SYT10: variants seen among roughly 807,000 people sequenced by gnomAD.
SYT10 encodes synaptotagmin-10.
Under a neutral mutation model 51.1 loss-of-function variants are expected in SYT10, and 31 were observed. The ratio of observed to expected loss-of-function variants is 0.61; its 90% CI spans 0.46 to 0.82. SYT10 has a LOEUF of 0.82. Ranked by LOEUF, SYT10 falls within the 40% of genes least tolerant of loss-of-function variation. The pLI is 0.00. For synonymous variants in SYT10, 233 were observed against 225.9 expected, an observed-to-expected ratio of 1.03 and a Z score of -0.28; for missense variants, 603 against 634.0, an observed-to-expected ratio of 0.95 and a Z score of 0.53.
chr12:33,412,799 A>G (rs1041575278), intron 2 of SYT10, among the ~76,000 whole-genome samples: 8 of 152,336 alleles, frequency 5.3e-5, no homozygotes, highest in Non-Finnish European at 1.0e-4. Flanking sequence ...AAAGGAATGC[A>G]GCTCCTCGCC....
rs75373477 is a variant in SYT10, at chr12:33,389,549, C to A, written c.1078-4258G>T. 3.1e-3 allele frequency among the ~76,000 whole-genome samples: 470 copies of A among 151,746 alleles called. 4 individuals carry two copies. The highest frequency in any genetic ancestry group is 0.011 in the African/African-American group (454 of 41,394). ...TGAAAAAAGACATAAGAGAAAGAGGCCATTGAAGTAAAGTTGGTGTGGGAA... is the reference window on the plus strand; with the variant it reads ...TGAAAAAAGACATAAGAGAAAGAGGACATTGAAGTAAAGTTGGTGTGGGAA... On this transcript the variant is annotated intron_variant, in intron 3 of 6. Coordinates refer to ENST00000228567, the MANE Select transcript of SYT10 (RefSeq NM_198992.4).
intron 3 of SYT10, among the ~76,000 whole-genome samples, chr12:33,386,060 G>A (rs1430416410): frequency 1.3e-5 from 2 of 152,116 alleles, no homozygotes; most frequent in African/African-American, 4.8e-5. Flanking sequence ...GTCTCGCTCT[G>A]TTGCCCAGGC....
chr12:33,376,537 A>C lies in SYT10; in HGVS notation c.*293T>G, dbSNP rs552906574. The C allele has an allele frequency of 2.6e-6, 1 of 386,876 alleles. No individual in the cohort carries two copies. Among genetic ancestry groups the C allele is most frequent in the Admixed American group, 3.8e-5 (1 of 26,116 alleles). 24.0% of individuals were successfully genotyped at this position (386,876 alleles called of 1,614,324 possible). A position where few individuals can be genotyped will look rare whatever the true frequency, so the allele number is the denominator to read the frequency against. ...TTTAGGTAAGTATGAACTGTTTAAA[A>C]AAACATTTCATATGCAAAGAATTAC... On this transcript the variant is annotated 3_prime_UTR_variant, in exon 7 of 7. Coordinates refer to ENST00000228567, the MANE Select transcript of SYT10 (RefSeq NM_198992.4).
rs75920331 is a variant in SYT10, at chr12:33,428,422, A to C, written c.152-1927T>G. Among the ~76,000 whole-genome samples the C allele has an allele frequency of 6.5e-3, 996 of 152,324 alleles. 9 individuals carry two copies. The highest frequency in any genetic ancestry group is 0.022 in the African/African-American group (917 of 41,576). Reference sequence around the variant, plus strand: ...GAGAAAAGGAGAAAGAAAGATATGCAAAAAAATCAGGTCAATGGGTATTCA... The same window carrying C: ...GAGAAAAGGAGAAAGAAAGATATGCCAAAAAATCAGGTCAATGGGTATTCA... On this transcript the variant is annotated intron_variant, in intron 1 of 6. Transcript: ENST00000228567.
At chr12:33,378,528 G>T (rs1289700207) in intron 6 of SYT10, among the ~76,000 whole-genome samples, 2 of 152,144 alleles carry the variant, frequency 1.3e-5, no homozygotes, top group African/African-American at 4.8e-5. Flanking sequence ...CTCAGAAGTA[G>T]ACAGCCAGAG....
chr12:33,392,937 G>A (rs1487122184), intron 3 of SYT10, among the ~76,000 whole-genome samples: 4 of 120,264 alleles, frequency 3.3e-5, no homozygotes, highest in African/African-American at 1.4e-4. Flanking sequence ...CCTTCCAAAT[G>A]GGAAATAACT....
At chr12:33,413,877 A>G (rs1591992488) in intron 2 of SYT10, among the ~76,000 whole-genome samples, 1 of 152,198 alleles carries the variant, frequency 6.6e-6, no homozygotes, top group African/African-American at 2.4e-5. Context: ...CAATTAAAAG[A>G]CACAGACTGG....
At chr12:33,409,491 A>G (rs2138417971) in intron 2 of SYT10, among the ~76,000 whole-genome samples, 1 of 150,366 alleles carries the variant, frequency 6.7e-6, no homozygotes, top group East Asian at 2.0e-4. Context: ...TGCTGGGATT[A>G]CAGGCGTGAG....
intron 5 of SYT10, 56 bp from the exon 6 acceptor site, chr12:33,380,017 T>C: frequency 6.6e-7 from 1 of 1,518,798 alleles, no homozygotes; most frequent in Non-Finnish European, 8.9e-7. Flanking sequence ...TAAAGGGGGT[T>C]TCACAAATCG....
chr12:33,380,847 G>A (rs918537102), intron 5 of SYT10, among the ~76,000 whole-genome samples: 3 of 152,162 alleles, frequency 2.0e-5, no homozygotes, highest in African/African-American at 7.2e-5. Flanking sequence ...ATTGAAAGGA[G>A]TTTCAATTTT....
intron 3 of SYT10, among the ~76,000 whole-genome samples, chr12:33,393,401 A>T (rs138340794): frequency 6.6e-6 from 1 of 152,344 alleles, no homozygotes; most frequent in East Asian, 1.9e-4. Context: ...AACCTGTGTA[A>T]TAAACTATAT....
chr12:33,429,115 G>T (rs1216853427), intron 1 of SYT10, among the ~76,000 whole-genome samples: 1 of 152,138 alleles, frequency 6.6e-6, no homozygotes, highest in Non-Finnish European at 1.5e-5. Flanking sequence ...GAATGGATAG[G>T]CAATTAAGCG....
chr12:33,419,683 AAT>A (rs1267907220), intron 2 of SYT10, among the ~76,000 whole-genome samples: 1 of 151,396 alleles, frequency 6.6e-6, no homozygotes, highest in Non-Finnish European at 1.5e-5. Flanking sequence ...TGTTTAAAAA[AAT>A]ATGACATAAA....
chr12:33,383,015 CG>C (rs995002485), intron 4 of SYT10, among the ~76,000 whole-genome samples: 1 of 152,150 alleles, frequency 6.6e-6, no homozygotes, highest in African/African-American at 2.4e-5. Flanking sequence ...ATGCCAATTA[CG>C]GGGGAAAAAT....
chr12:33,424,762 A>C, intron 2 of SYT10, among the ~76,000 whole-genome samples: 1 of 151,588 alleles, frequency 6.6e-6, no homozygotes, highest in South Asian at 2.1e-4. Flanking sequence ...ATAGTTCAAT[A>C]AATATAAAAA....
intron 3 of SYT10, chr12:33,405,743 A>G (rs1261971367): frequency 6.6e-6 from 1 of 152,010 alleles, no homozygotes; most frequent in Non-Finnish European, 1.5e-5. Context: ...TGTAAAAACA[A>G]CCTGATGGTA....
At chr12:33,383,532 C>G (rs1040135928) in intron 4 of SYT10, among the ~76,000 whole-genome samples, 1 of 152,102 alleles carries the variant, frequency 6.6e-6, no homozygotes, top group African/African-American at 2.4e-5. Context: ...AACAAGATAA[C>G]AGGGTCATGT....
At chr12:33,380,814 T>C (rs1034185800) in intron 5 of SYT10, among the ~76,000 whole-genome samples, 1 of 152,182 alleles carries the variant, frequency 6.6e-6, no homozygotes, top group East Asian at 1.9e-4. Flanking sequence ...TGTGGTTAAG[T>C]TGCTTCTCAA....
At chr12:33,383,274 CA>C (rs1866131513) in intron 4 of SYT10, among the ~76,000 whole-genome samples, 1 of 150,040 alleles carries the variant, frequency 6.7e-6, no homozygotes, top group Non-Finnish European at 1.5e-5. Flanking sequence ...GATAGTTAAA[CA>C]ATCAGTGTTT....
Sources: allele counts gnomAD v4.1 joint callset (sites outside exome capture counted in the v4.1 genomes callset), GRCh38; gene constraint gnomAD v4.1.1; transcripts MANE v1.5; gene names NCBI Gene and HGNC (gene_info 2026-07-23, HGNC 2026-07-21).